The following DNAH10 variants were observed in gnomAD, a reference collection of about 807,000 sequenced individuals.
The protein encoded by DNAH10 is axonemal beta dynein heavy chain 10.
Under a neutral mutation model 506.6 loss-of-function variants are expected in DNAH10, and 348 were observed. The ratio of observed to expected loss-of-function variants is 0.69; its 90% CI spans 0.63 to 0.75. The LOEUF is 0.75. Among genes scored for constraint, DNAH10 ranks in the 30% least tolerant of loss-of-function variants. DNAH10 has a pLI of 0.00. For synonymous variants in DNAH10, 2,059 were observed against 2,198.6 expected (o/e 0.94, Z 1.78); for missense variants, 5,179 against 5,787.1 (o/e 0.89, Z 3.41).
At chr12:123,799,529 G>A (rs1023162251) in intron 14 of DNAH10, among the ~76,000 whole-genome samples, 158 bp downstream of exon 14, 1 of 152,186 alleles carries the variant, frequency 6.6e-6, no homozygotes, top group South Asian at 2.1e-4. Flanking sequence ...AAAGAGTGGA[G>A]ATGGCACGAT....
chr12:123,933,227 A>C (rs1423341339), intron 76 of DNAH10, 104 bp from the exon 77 acceptor site: 2 of 1,134,946 alleles, frequency 1.8e-6, no homozygotes, highest in Non-Finnish European at 2.3e-6. Context: ...TTTGCCACTT[A>C]GGTGAAATAT....
chr12:123,875,005 C>G (rs888674914), intron 46 of DNAH10, among the ~76,000 whole-genome samples: 1 of 152,188 alleles, frequency 6.6e-6, no homozygotes, highest in Non-Finnish European at 1.5e-5. Flanking sequence ...CTATGCAGTT[C>G]CTGCCCTCAT....
At position 123,848,831 on chromosome 12, in the gene DNAH10, C is replaced by T; in HGVS notation, c.6051C>T (p.Ser2017=). The change falls in exon 34 of 79, where the codon TCC becomes TCT. Residue 2017 remains serine, a synonymous_variant. Transcript: ENST00000673944. The stretch of plus-strand genomic sequence containing the variant: ...CTTCTGTGCTCTCCGTGATCTCCTC[C>T]CAGATCCAGACGATCCGAAATGCTC... The part of the protein sequence containing the change: ...IDASVLSVIS[S]QIQTIRNALI... 6 of 1,613,856 alleles carry T rather than the reference C, an allele frequency of 3.7e-6. No individual in the cohort carries two copies. The highest frequency in any genetic ancestry group is 5.1e-6 in the Non-Finnish European group (6 of 1,179,846).
rs1450602671 is a variant in DNAH10, at chr12:123,868,181, A to C, written c.7519+62A>C. 5.0e-6 allele frequency: 7 copies of C among 1,395,382 alleles called. No homozygotes were observed. In the Admixed American group the frequency reaches 1.5e-4, roughly 30 times the overall value. The allele number at this position is 1,395,382 out of a possible 1,614,324, so 86.4% of individuals were successfully genotyped here. On this transcript the variant is annotated intron_variant, in intron 43 of 78. Transcript: ENST00000673944. ...TGCCTTTGGTTAAATTTCTAGAGGA[A>C]GTGAATGAGCTTTTCCATATTTCTG... is the stretch of plus-strand genomic sequence containing the variant.
chr12:123,826,955 A>C, intron 25 of DNAH10, 57 bp downstream of exon 25: 1 of 1,493,952 alleles, frequency 6.7e-7, no homozygotes, highest in East Asian at 2.3e-5. Flanking sequence ...TTTAGTTAAA[A>C]TTGTTTCCCT....
Position 123,923,819 on chromosome 12 carries a change from C to G in DNAH10, c.11563C>G (p.Gln3855Glu), listed in dbSNP as rs768394318. 3 of 1,612,796 alleles carry G rather than the reference C, an allele frequency of 1.9e-6. No homozygotes were observed. Among genetic ancestry groups the G allele is most frequent in the African/African-American group, 1.3e-5 (1 of 74,920 alleles). Reference protein sequence around the residue: ...FSFNMTIKIEQAEGRVPQEEL... With the variant: ...FSFNMTIKIEEAEGRVPQEEL... The stretch of plus-strand genomic sequence containing the variant: ...TTTTAATATGACCATCAAGATAGAA[C>G]AAGCAGAAGGGAGAGTCCCTCAAGA... The change falls in exon 66 of 79, where the codon CAA becomes GAA. Residue 3855 changes from glutamine to glutamate, a missense_variant. Gln to Glu is a conservative substitution (Grantham distance 29, BLOSUM62 2). Transcript: ENST00000673944.
chr12:123,812,475 C>T (rs1958979703), intron 19 of DNAH10, among the ~76,000 whole-genome samples: 1 of 152,058 alleles, frequency 6.6e-6, no homozygotes, highest in Non-Finnish European at 1.5e-5. Context: ...AACAAACAAA[C>T]AAACAAAAAA....
At position 123,857,172 on chromosome 12, in the gene DNAH10, C is replaced by A. The variant is rs747236855; in HGVS notation, c.6555C>A (p.Arg2185=). 1 of 1,609,432 alleles carries A rather than the reference C, an allele frequency of 6.2e-7. No individual in the cohort carries two copies. The highest frequency in any genetic ancestry group is 1.3e-5 in the African/African-American group (1 of 74,678). The part of the protein sequence containing the change: ...SDLFPGLDCP[R]VRYPDFNDAV... Reference sequence around the variant, plus strand: ...TGTTTCCTGGGCTGGACTGCCCTCGCGTCCGCTACCCTGACTTCAACGATG... The same window carrying A: ...TGTTTCCTGGGCTGGACTGCCCTCGAGTCCGCTACCCTGACTTCAACGATG... Residue 2185 remains arginine (R), a synonymous_variant, in exon 37 of 79, where the codon CGC becomes CGA. Coordinates refer to ENST00000673944, the MANE Select transcript of DNAH10 (RefSeq NM_001372106.1).
In DNAH10 at chr12:123,830,680, A is replaced by G; in HGVS notation, c.4526A>G (p.Lys1509Arg). The part of the protein sequence containing the change: ...VLNEIVTAAI[K>R]EVAIEKAVKE... ...AATGAGATTGTCACAGCAGCAATCA[A>G]GGAGGTTGCCATTGAGAAGGTAAGA... The change falls in exon 26 of 79, where the codon AAG becomes AGG. Residue 1509 changes from lysine to arginine, a missense_variant. Coordinates refer to ENST00000673944, the MANE Select transcript of DNAH10 (RefSeq NM_001372106.1). 1 of 1,611,920 alleles carries G rather than the reference A, an allele frequency of 6.2e-7. No homozygotes were observed. The highest frequency in any genetic ancestry group is 1.1e-5 in the South Asian group (1 of 90,340).
chr12:123,929,320 A>G lies in DNAH10; in HGVS notation c.12352A>G (p.Thr4118Ala), dbSNP rs748337546. 7 of 1,606,202 alleles carry G rather than the reference A, an allele frequency of 4.4e-6. No homozygotes were observed. Among genetic ancestry groups the G allele is most frequent in the African/African-American group, 2.7e-5 (2 of 74,860 alleles). The change falls in exon 71 of 79, where the codon ACT becomes GCT. Residue 4118 changes from threonine (T) to alanine (A), a missense_variant. Thr to Ala is a moderately conservative substitution (Grantham distance 58). This residue lies in a region of DNAH10 where 4,844 missense variants were observed against 5,430.5 expected (regional missense o/e 0.89). Transcript: ENST00000673944. ...PNGLKLNMRA[T>A]YFKISHEMLD... ...TGGGCTGAAACTCAACATGAGGGCAACTTACTTCAAGATCTCTCACGAAAT... is the reference window on the plus strand; with the variant it reads ...TGGGCTGAAACTCAACATGAGGGCAGCTTACTTCAAGATCTCTCACGAAAT...
intron 16 of DNAH10, 87 bp from the exon 17 acceptor site, chr12:123,803,574 C>A: frequency 1.6e-6 from 2 of 1,285,692 alleles, no homozygotes; most frequent in Non-Finnish European, 2.1e-6. Context: ...CAAAGGGATG[C>A]CAGTATTAAC....
chr12:123,771,760 T>G, intron 3 of DNAH10, 62 bp downstream of exon 3: 1 of 1,358,668 alleles, frequency 7.4e-7, no homozygotes, highest in Non-Finnish European at 1.0e-6. Flanking sequence ...CCTCTAGGAT[T>G]CAGGGTAACT....
rs758636190 is a variant in DNAH10 at position 123,918,762 on chromosome 12, G to A, written c.11319G>A (p.Gly3773=). The change falls in exon 65 of 79, where the codon GGG becomes GGA. Residue 3773 remains glycine (G), a synonymous_variant. Transcript: ENST00000673944. ...RDGYRPAARR[G]AILFFVLSEM... ...GCTACCGGCCAGCAGCCAGGAGGGG[G>A]GCCATCCTGTTCTTCGTCCTGTCTG... 3 of 1,611,362 alleles carry A rather than the reference G, an allele frequency of 1.9e-6. No individual in the cohort carries two copies. Among genetic ancestry groups the A allele is most frequent in the South Asian group, 1.1e-5 (1 of 90,898 alleles).
At chr12:123,865,540 G>A (rs544814907) in intron 40 of DNAH10, among the ~76,000 whole-genome samples, 8 of 151,972 alleles carry the variant, frequency 5.3e-5, no homozygotes, top group Non-Finnish European at 1.0e-4. Context: ...ATCTGGTTTA[G>A]CTTTGTACTT....
At chr12:123,796,309 T>C (rs533712160) in intron 12 of DNAH10, among the ~76,000 whole-genome samples, 1 of 152,114 alleles carries the variant, frequency 6.6e-6, no homozygotes, top group Non-Finnish European at 1.5e-5. Context: ...ATACAAAAAT[T>C]AGCTGGGCAT....
chr12:123,819,913 C>T (rs2136408075), intron 23 of DNAH10, among the ~76,000 whole-genome samples: 1 of 152,066 alleles, frequency 6.6e-6, no homozygotes, highest in South Asian at 2.1e-4. Flanking sequence ...CCATGTTGGC[C>T]AGGCTGGTCT....
At chr12:123,906,509 T>C (rs1246205599) in intron 57 of DNAH10, among the ~76,000 whole-genome samples, 1 of 152,204 alleles carries the variant, frequency 6.6e-6, no homozygotes, top group Non-Finnish European at 1.5e-5. Flanking sequence ...CCCAAAGTGT[T>C]GGGATTACAG....
intron 36 of DNAH10, 137 bp from the exon 37 acceptor site, chr12:123,856,919 T>C: frequency 2.2e-6 from 1 of 463,478 alleles, no homozygotes; most frequent in East Asian, 4.1e-5. Context: ...TGTATAAAAT[T>C]GTTAAAAATA....
chr12:123,781,334 T>C, intron 6 of DNAH10, 35 bp downstream of exon 6: 2 of 1,576,260 alleles, frequency 1.3e-6, no homozygotes, highest in South Asian at 1.1e-5. Flanking sequence ...TAGTTAAGAA[T>C]GATTAATTTA....
Sources: allele counts gnomAD v4.1 joint callset (sites outside exome capture counted in the v4.1 genomes callset), GRCh38; gene constraint gnomAD v4.1.1; regional missense constraint gnomAD v4.1.1; transcripts MANE v1.5; gene names NCBI Gene and HGNC (gene_info 2026-07-23, HGNC 2026-07-21).